The following NRG1 variants were observed in gnomAD, a reference collection of about 807,000 sequenced individuals.
The protein encoded by NRG1 is neuregulin 1, also known as pro-neuregulin-1, membrane-bound isoform.
Under a neutral mutation model 63.8 loss-of-function variants are expected in NRG1, and 18 were observed. That is an observed-to-expected ratio of 0.28 (90% CI 0.19 to 0.42). The LOEUF (loss-of-function observed/expected upper bound fraction) is 0.42. Ranked by LOEUF, NRG1 falls within the 10% of genes least tolerant of loss-of-function variation. The probability of loss-of-function intolerance (pLI) is 1.00; values close to 1 mark genes in which losing one functional copy is unlikely to be tolerated. For missense variants in NRG1, 762 were observed against 814.7 expected (o/e 0.94, Z 0.79); for synonymous variants, 302 against 301.3 (o/e 1.00, Z -0.02).
chr8:32,561,549 A>G (rs529691764), intron 1 of NRG1, among the ~76,000 whole-genome samples: 1 of 152,304 alleles, frequency 6.6e-6, no homozygotes, highest in Admixed American at 6.5e-5. Context: ...CAATGCCTTT[A>G]TGCAGGAAAC....
At chr8:31,916,274 G>C (rs572187769) in intron 1 of NRG1, among the ~76,000 whole-genome samples, 1 of 151,604 alleles carries the variant, frequency 6.6e-6, no homozygotes, top group African/African-American at 2.4e-5. Context: ...GGTTAGTTAC[G>C]TATGTATACA....
At chr8:31,843,954 A>G (rs1826434851) in intron 1 of NRG1, among the ~76,000 whole-genome samples, 1 of 152,198 alleles carries the variant, frequency 6.6e-6, no homozygotes, top group Non-Finnish European at 1.5e-5. Flanking sequence ...GAAATAGTAA[A>G]TGTCAATAAC....
intron 1 of NRG1, among the ~76,000 whole-genome samples, chr8:31,938,002 C>A (rs1482956620): frequency 6.6e-6 from 1 of 152,108 alleles, no homozygotes; most frequent in Admixed American, 6.5e-5. Context: ...GCCTAAGAAA[C>A]CTTAATACTC....
intron 1 of NRG1, among the ~76,000 whole-genome samples, chr8:32,235,264 G>T (rs918799997): frequency 2.1e-5 from 3 of 145,926 alleles, no homozygotes; most frequent in African/African-American, 7.6e-5. Flanking sequence ...AAAAAGAGCC[G>T]GGCATGAACC....
chr8:31,647,099 C>G (rs1182280079), intron 1 of NRG1, among the ~76,000 whole-genome samples: 4 of 152,162 alleles, frequency 2.6e-5, no homozygotes, highest in African/African-American at 9.7e-5. Context: ...TAAACCATCC[C>G]AGTTTATTTT....
At chr8:32,120,880 T>G (rs1833356717) in intron 1 of NRG1, among the ~76,000 whole-genome samples, 1 of 152,074 alleles carries the variant, frequency 6.6e-6, no homozygotes. Flanking sequence ...CCTTTTTGAA[T>G]GTTCCTTCTC....
intron 5 of NRG1, among the ~76,000 whole-genome samples, chr8:32,673,576 G>A (rs1019761870): frequency 2.0e-5 from 3 of 152,090 alleles, no homozygotes; most frequent in Admixed American, 2.0e-4. Context: ...ATGGCTCTTT[G>A]ACAGTGGAAA....
At chr8:31,894,416 G>GTAAT (rs1193148658) in intron 1 of NRG1, among the ~76,000 whole-genome samples, 3 of 152,050 alleles carry the variant, frequency 2.0e-5, no homozygotes, top group African/African-American at 7.3e-5. Context: ...TTAATAATAT[G>GTAAT]TAAAAGTGCT....
At chr8:32,006,534 G>T (rs559796534) in intron 1 of NRG1, among the ~76,000 whole-genome samples, 1 of 151,980 alleles carries the variant, frequency 6.6e-6, no homozygotes, top group East Asian at 1.9e-4. Context: ...GAAATTTCTC[G>T]TGCTAGTGAC....
At chr8:32,651,103 C>T (rs747574715) in intron 5 of NRG1, among the ~76,000 whole-genome samples, 17 of 152,140 alleles carry the variant, frequency 1.1e-4, no homozygotes, top group Non-Finnish European at 2.4e-4. Flanking sequence ...TGTCAAATTA[C>T]AACATTCTTT....
At chr8:32,451,000 G>A (rs1360519841) in intron 1 of NRG1, among the ~76,000 whole-genome samples, 1 of 152,022 alleles carries the variant, frequency 6.6e-6, no homozygotes, top group Non-Finnish European at 1.5e-5. Context: ...CACAAATGGA[G>A]GACTGAAAAA....
intron 3 of NRG1, among the ~76,000 whole-genome samples, chr8:32,613,650 GA>G (rs780729536): frequency 8.6e-5 from 13 of 151,936 alleles, no homozygotes; most frequent in Non-Finnish European, 1.9e-4. Flanking sequence ...GTCCTGGTTA[GA>G]AAATGTGAAC....
chr8:31,793,045 C>T (rs985251957), intron 1 of NRG1, among the ~76,000 whole-genome samples: 6 of 152,212 alleles, frequency 3.9e-5, no homozygotes, highest in Non-Finnish European at 8.8e-5. Flanking sequence ...CATAACCAAT[C>T]ATATCTGAAT....
intron 5 of NRG1, among the ~76,000 whole-genome samples, chr8:32,701,433 C>CATTG (rs1257884085): frequency 6.6e-6 from 1 of 152,098 alleles, no homozygotes; most frequent in Non-Finnish European, 1.5e-5. Context: ...AAAAGCCTGG[C>CATTG]ATTGCTCTCC....
chr8:31,730,091 A>C (rs1813870307), intron 1 of NRG1, among the ~76,000 whole-genome samples: 1 of 152,134 alleles, frequency 6.6e-6, no homozygotes, highest in Non-Finnish European at 1.5e-5. Flanking sequence ...TTTTACCAGG[A>C]AGAAAAAGCA....
chr8:31,871,004 T>C, intron 1 of NRG1, among the ~76,000 whole-genome samples: 1 of 136,656 alleles, frequency 7.3e-6, no homozygotes, highest in Non-Finnish European at 1.5e-5. Flanking sequence ...ACTTTTATTT[T>C]CCTTTTTTTT....
intron 1 of NRG1, among the ~76,000 whole-genome samples, chr8:32,213,179 A>T (rs1376167504): frequency 6.6e-6 from 1 of 152,144 alleles, no homozygotes; most frequent in Non-Finnish European, 1.5e-5. Context: ...TCACTGCAGC[A>T]CTCTTCACAA....
At chr8:31,924,296 A>C (rs1031130127) in intron 1 of NRG1, among the ~76,000 whole-genome samples, 7 of 151,842 alleles carry the variant, frequency 4.6e-5, no homozygotes, top group Non-Finnish European at 5.9e-5. Flanking sequence ...GGTTGCAGTG[A>C]GCTGAGATTG....
chr8:31,978,345 T>C (rs1434289936), intron 1 of NRG1, among the ~76,000 whole-genome samples: 1 of 152,136 alleles, frequency 6.6e-6, no homozygotes, highest in East Asian at 1.9e-4. Context: ...CTCCACTCTC[T>C]GTTTGATTTT....
Sources: gnomAD v4.1 joint callset for allele counts (sites outside exome capture counted in the v4.1 genomes callset) on GRCh38, gnomAD v4.1.1 for gene constraint, MANE v1.5 for transcripts, NCBI Gene and HGNC (gene_info 2026-07-23, HGNC 2026-07-21) for gene names.